SHROOM3: variants seen among roughly 807,000 people sequenced by gnomAD.
SHROOM3 encodes the protein protein Shroom3.
Under a neutral mutation model 138.6 loss-of-function variants are expected in SHROOM3, and 47 were observed. That is an observed-to-expected ratio of 0.34 (90% CI 0.27 to 0.43). The LOEUF (loss-of-function observed/expected upper bound fraction) is 0.43. SHROOM3 is among the 20% of genes least tolerant of loss of function. The pLI is 1.00. For synonymous variants in SHROOM3, 1,062 were observed against 1,063.3 expected (o/e 1.00, Z 0.02); for missense variants, 2,491 against 2,596.5 (o/e 0.96, Z 0.88).
chr4:76,746,120 C>T (rs1316431353), intron 5 of SHROOM3, among the ~76,000 whole-genome samples: 1 of 152,152 alleles, frequency 6.6e-6, no homozygotes, highest in Non-Finnish European at 1.5e-5. Context: ...GAGGTTTTCA[C>T]CCCATACTGT....
intron 1 of SHROOM3, among the ~76,000 whole-genome samples, chr4:76,438,993 C>G (rs757182480): frequency 3.9e-5 from 6 of 152,178 alleles, no homozygotes; most frequent in Non-Finnish European, 5.9e-5. Flanking sequence ...GCTGCTGTAA[C>G]AAATTACTAC....
chr4:76,669,781 G>T (rs919005356), intron 2 of SHROOM3, among the ~76,000 whole-genome samples: 2 of 152,288 alleles, frequency 1.3e-5, no homozygotes, highest in East Asian at 1.9e-4. Flanking sequence ...AAGTCACAGA[G>T]AATTGCTTTT....
At chr4:76,773,900 A>G (rs1280273820) in intron 10 of SHROOM3, among the ~76,000 whole-genome samples, 2 of 152,158 alleles carry the variant, frequency 1.3e-5, no homozygotes, top group African/African-American at 2.4e-5. Context: ...ACAGTCATAC[A>G]CTAGACTTTA....
intron 1 of SHROOM3, among the ~76,000 whole-genome samples, chr4:76,514,040 G>A (rs552004973): frequency 3.9e-5 from 6 of 152,250 alleles, no homozygotes; most frequent in Non-Finnish European, 5.9e-5. Context: ...TTTTTAAGCC[G>A]TTCACTGGTT....
chr4:76,617,841 A>G (rs1391841273), intron 2 of SHROOM3, among the ~76,000 whole-genome samples: 2 of 152,230 alleles, frequency 1.3e-5, no homozygotes, highest in Non-Finnish European at 2.9e-5. Flanking sequence ...TTTTAACACT[A>G]AAATATTAAC....
At chr4:76,724,938 G>A (rs1720656214) in intron 3 of SHROOM3, among the ~76,000 whole-genome samples, 1 of 152,084 alleles carries the variant, frequency 6.6e-6, no homozygotes, top group Non-Finnish European at 1.5e-5. Context: ...ATACACTGGT[G>A]GGCTATTTTT....
intron 4 of SHROOM3, among the ~76,000 whole-genome samples, chr4:76,735,334 A>G (rs1289265740): frequency 6.6e-6 from 1 of 152,130 alleles, no homozygotes; most frequent in Non-Finnish European, 1.5e-5. Flanking sequence ...CTAGTGAGTG[A>G]TATCAGTGCC....
chr4:76,741,550 C>T lies in SHROOM3; in HGVS notation c.3377C>T (p.Ala1126Val). Reference protein sequence around the residue: ...AQSAYLQPGPAALEGSGLASA... With the variant: ...AQSAYLQPGPVALEGSGLASA... The stretch of plus-strand genomic sequence containing the variant: ...AGTGCCTACCTCCAGCCCGGCCCCG[C>T]GGCGCTCGAAGGCTCCGGCCTCGCC... Residue 1126 changes from alanine to valine, a missense_variant, in exon 5 of 11, where the codon GCG becomes GTG. Physicochemically the swap from Ala to Val is moderately conservative, Grantham distance 64. Coordinates refer to ENST00000296043, the MANE Select transcript of SHROOM3 (RefSeq NM_020859.4). The surrounding 1 kb of genome is among the most constrained non-coding windows in gnomAD (Gnocchi z 6.2). 1.3e-6 allele frequency: 2 copies of T among 1,547,598 alleles called. No homozygotes were observed. The highest frequency in any genetic ancestry group is 1.7e-6 in the Non-Finnish European group (2 of 1,153,042).
chr4:76,441,914 G>T (rs1345381032), intron 1 of SHROOM3, among the ~76,000 whole-genome samples: 2 of 152,100 alleles, frequency 1.3e-5, no homozygotes. Flanking sequence ...TAGAGACGGG[G>T]TTTCTCTATG....
chr4:76,482,398 A>G (rs1251017112), intron 1 of SHROOM3, among the ~76,000 whole-genome samples: 1 of 152,188 alleles, frequency 6.6e-6, no homozygotes, highest in Non-Finnish European at 1.5e-5. Context: ...GCCAAATCCC[A>G]TTCACAATTG....
intron 2 of SHROOM3, among the ~76,000 whole-genome samples, chr4:76,642,221 T>G (rs1368696471): frequency 6.6e-6 from 1 of 152,208 alleles, no homozygotes; most frequent in Non-Finnish European, 1.5e-5. Flanking sequence ...ATGAGCTCAG[T>G]GAGGGCAAGG....
chr4:76,540,046 C>T (rs987994918), intron 1 of SHROOM3, among the ~76,000 whole-genome samples: 14 of 152,190 alleles, frequency 9.2e-5, no homozygotes, highest in African/African-American at 3.4e-4. Flanking sequence ...CAGGGTTTCG[C>T]CATGTTGGCC....
At chr4:76,514,816 G>A (rs533601031) in intron 1 of SHROOM3, among the ~76,000 whole-genome samples, 1 of 152,182 alleles carries the variant, frequency 6.6e-6, no homozygotes, top group South Asian at 2.1e-4. Context: ...AAAATACTTG[G>A]CTCAAGAAAG....
At chr4:76,599,463 T>C (rs1218417640) in intron 2 of SHROOM3, among the ~76,000 whole-genome samples, 1 of 152,234 alleles carries the variant, frequency 6.6e-6, no homozygotes, top group Admixed American at 6.5e-5. Flanking sequence ...CTAGTTCATC[T>C]CCTTTATTCT....
chr4:76,751,934 T>C (rs1365528498), intron 6 of SHROOM3, among the ~76,000 whole-genome samples: 3 of 152,208 alleles, frequency 2.0e-5, no homozygotes, highest in African/African-American at 7.2e-5. Context: ...AACTACCATA[T>C]GATCTGGCAA....
chr4:76,570,255 C>A (rs145456205), intron 2 of SHROOM3, among the ~76,000 whole-genome samples: 2 of 152,164 alleles, frequency 1.3e-5, no homozygotes, highest in African/African-American at 2.4e-5. Context: ...TAAAAATAGA[C>A]CTTTCTGCTA....
chr4:76,762,947 G>C (rs981910920), intron 9 of SHROOM3, among the ~76,000 whole-genome samples: 2 of 152,130 alleles, frequency 1.3e-5, no homozygotes, highest in Non-Finnish European at 2.9e-5. Flanking sequence ...TGTATCGGTA[G>C]GAGTCAGGAG....
At position 76,739,305 on chromosome 4, in the gene SHROOM3, C is replaced by T; in HGVS notation, c.1132C>T (p.Pro378Ser). Residue 378 changes from proline to serine, a missense_variant, in exon 5 of 11, where the codon CCT becomes TCT. By Grantham distance (74) the Pro-to-Ser change is moderately conservative. Transcript: ENST00000296043. ...GGAGACTGCCACGGACAACCTTCCT[C>T]CTAAGGTGGGTGCACCCCTGCCTCC... ...SLETATDNLPPKVGAPLPPAR... is the reference protein window; with the variant it reads ...SLETATDNLPSKVGAPLPPAR... The T allele has an allele frequency of 6.2e-7, 1 of 1,613,978 alleles. No individual in the cohort carries two copies. Among genetic ancestry groups the T allele is most frequent in the Non-Finnish European group, 8.5e-7 (1 of 1,179,970 alleles).
At chr4:76,587,238 G>A (rs1734174758) in intron 2 of SHROOM3, 1 of 152,098 alleles carries the variant, frequency 6.6e-6, no homozygotes, top group Non-Finnish European at 1.5e-5. Flanking sequence ...GTAACTTGAG[G>A]ATTTAATAAT....
Sources: gnomAD v4.1 joint callset for allele counts (sites outside exome capture counted in the v4.1 genomes callset) on GRCh38, gnomAD v4.1.1 for gene constraint, Gnocchi (gnomAD v3.1) non-coding constraint, MANE v1.5 for transcripts, NCBI Gene and HGNC (gene_info 2026-07-23, HGNC 2026-07-21) for gene names.